TBC1D5: variants seen among roughly 807,000 people sequenced by gnomAD.
The protein encoded by TBC1D5 is TBC1 domain family member 5.
Under a neutral mutation model 100.3 loss-of-function variants are expected in TBC1D5, and 75 were observed. The observed-to-expected ratio is 0.75, with a 90% CI of 0.62 to 0.91. TBC1D5 has a LOEUF of 0.91. Among genes scored for constraint, TBC1D5 ranks in the 40% least tolerant of loss-of-function variants. The probability of loss-of-function intolerance (pLI) is 0.00; values close to 1 mark genes in which losing one functional copy is unlikely to be tolerated. For missense variants in TBC1D5, 910 were observed against 942.4 expected, an observed-to-expected ratio of 0.97 and a Z score of 0.45; for synonymous variants, 323 against 325.6, an observed-to-expected ratio of 0.99 and a Z score of 0.09.
intron 2 of TBC1D5, among the ~76,000 whole-genome samples, chr3:17,559,643 G>A (rs1396201297): frequency 6.6e-6 from 1 of 150,734 alleles, no homozygotes. Flanking sequence ...TGGCTGGAGT[G>A]CAACGGCGCG....
chr3:17,242,957 G>A (rs2076426588), intron 16 of TBC1D5, among the ~76,000 whole-genome samples: 1 of 152,150 alleles, frequency 6.6e-6, no homozygotes, highest in African/African-American at 2.4e-5. Context: ...AGGTCTGTTA[G>A]ATTTTGTTAA....
At chr3:17,261,344 T>G (rs1340514705) in intron 15 of TBC1D5, among the ~76,000 whole-genome samples, 4 of 152,098 alleles carry the variant, frequency 2.6e-5, no homozygotes, top group Non-Finnish European at 4.4e-5. Context: ...TAAAGGTCAA[T>G]GGATAGATAA....
In TBC1D5 at chr3:17,465,983, T is replaced by C. The variant is rs148201324; in HGVS notation, c.98-37464A>G. Among the ~76,000 whole-genome samples the C allele has an allele frequency of 4.7e-3, 723 of 152,320 alleles. 7 individuals are homozygous for C. Among genetic ancestry groups the C allele is most frequent in the African/African-American group, 0.016 (659 of 41,576 alleles). ...ACATGATATTATTTCAACTCAACTA[T>C]TGTGAAGAATTCAGTCACCTTAGAA... On this transcript the variant is annotated intron_variant, in intron 3 of 21. Transcript: ENST00000253692.
chr3:17,229,281 T>C (rs866993828), intron 17 of TBC1D5, among the ~76,000 whole-genome samples: 1 of 152,276 alleles, frequency 6.6e-6, no homozygotes. Flanking sequence ...ACAGTTTGTT[T>C]CCTGCAGACT....
intron 2 of TBC1D5, among the ~76,000 whole-genome samples, chr3:17,616,602 T>C (rs550072045): frequency 6.6e-6 from 1 of 152,346 alleles, no homozygotes; most frequent in Admixed American, 6.5e-5. Flanking sequence ...TTTAGGATAG[T>C]TAGCTCTTCT....
chr3:17,519,226 CA>C (rs1425789768), intron 2 of TBC1D5, among the ~76,000 whole-genome samples: 4 of 152,212 alleles, frequency 2.6e-5, no homozygotes, highest in African/African-American at 9.6e-5. Flanking sequence ...GACTGTAAAA[CA>C]CATGGCTTAT....
At position 17,417,312 on chromosome 3, in the gene TBC1D5, G is replaced by A. The variant is rs983941220; in HGVS notation, c.168-10786C>T. ...CCCATTAACTCGTCATTTAGCATTA[G>A]GTATATCTCCTAATGCTATCCCTCC... On this transcript the variant is annotated intron_variant, in intron 4 of 21. Coordinates refer to ENST00000253692, the Ensembl canonical transcript of TBC1D5. 1.2e-4 allele frequency among the ~76,000 whole-genome samples: 18 copies of A among 151,482 alleles called. 1 individual carries two copies. Among genetic ancestry groups the A allele is most frequent in the South Asian group, 4.2e-4 (2 of 4,796 alleles).
At position 17,250,214 on chromosome 3, in the gene TBC1D5, T is replaced by C. The variant is rs182194240; in HGVS notation, c.1331+8292A>G. On this transcript the variant is annotated intron_variant, in intron 16 of 21. Transcript: ENST00000253692. ...CCATCAGCAAATGCTAGTCAAAATA[T>C]ATACTCAAACAAATCACTTTTCTCT... Among the ~76,000 whole-genome samples, 206 of 152,342 alleles carry C rather than the reference T, an allele frequency of 1.4e-3. 2 individuals are homozygous for C. Among genetic ancestry groups the C allele is most frequent in the Admixed American group, 0.013 (194 of 15,306 alleles).
At chr3:17,376,986 A>T (rs1242803521) in intron 9 of TBC1D5, among the ~76,000 whole-genome samples, 1 of 152,134 alleles carries the variant, frequency 6.6e-6, no homozygotes, top group Non-Finnish European at 1.5e-5. Flanking sequence ...ATCTGCAGTA[A>T]GAAGGGCAAC....
intron 2 of TBC1D5, among the ~76,000 whole-genome samples, chr3:17,551,272 C>A (rs1274658905): frequency 2.0e-5 from 3 of 152,052 alleles, no homozygotes; most frequent in African/African-American, 7.2e-5. Flanking sequence ...AAAAGTATAT[C>A]TTTTTAATAA....
At chr3:17,384,277 T>A (rs1461486854) in intron 8 of TBC1D5, among the ~76,000 whole-genome samples, 1 of 152,116 alleles carries the variant, frequency 6.6e-6, no homozygotes, top group Non-Finnish European at 1.5e-5. Flanking sequence ...CATATGTGAA[T>A]ATGATAGCTT....
At chr3:17,390,115 T>C (rs536664455) in intron 8 of TBC1D5, among the ~76,000 whole-genome samples, 2 of 152,230 alleles carry the variant, frequency 1.3e-5, no homozygotes, top group Non-Finnish European at 2.9e-5. Flanking sequence ...GTAACAGAAG[T>C]AGTTTATGAC....
intron 17 of TBC1D5, among the ~76,000 whole-genome samples, chr3:17,225,369 G>A (rs1236375595): frequency 6.7e-6 from 1 of 150,322 alleles, no homozygotes; most frequent in East Asian, 1.9e-4. Flanking sequence ...AACCTGGGAG[G>A]TGGAGGTTGC....
chr3:17,732,720 A>AAAAAAAATAAATAAATAAATAAAT (rs142854083), intron 1 of TBC1D5, among the ~76,000 whole-genome samples: 4 of 144,876 alleles, frequency 2.8e-5, no homozygotes, highest in East Asian at 2.1e-4. Context: ...CCGTCTCAAA[A>AAAAAAAATAAATAAATAAATAAAT]AAATAAATAA....
At chr3:17,374,423 C>T in intron 12 of TBC1D5, 48 bp downstream of exon 12, 1 of 1,527,434 alleles carries the variant, frequency 6.5e-7, no homozygotes. Flanking sequence ...TTATTGAAAG[C>T]ATTTGCTCCA....
In TBC1D5 at chr3:17,615,612, T is replaced by G. The variant is rs1437875853; in HGVS notation, c.-36+8237A>C. Among the ~76,000 whole-genome samples the G allele has an allele frequency of 2.0e-5, 3 of 152,202 alleles. No individual in the cohort carries two copies. The East Asian group carries it at 5.8e-4, about 29-fold the overall frequency. ...ATTCAACTTCTTCCTCGTTTGGTCT[T>G]AGGAGGGTGTATGTGTCCAGGAATT... On this transcript the variant is annotated intron_variant, in intron 2 of 21. Transcript: ENST00000253692.
rs2076043681 is a variant in TBC1D5 at position 17,238,338 on chromosome 3, TG to T, written c.1412del (p.Pro471GlnfsTer24). 6.2e-7 allele frequency: 1 copy of T among 1,613,868 alleles called. No homozygotes were observed. Among genetic ancestry groups the T allele is most frequent in the African/African-American group, 1.3e-5 (1 of 74,908 alleles). On this transcript the variant is annotated frameshift_variant, in exon 17 of 22. Coordinates refer to ENST00000253692, the Ensembl canonical transcript of TBC1D5. LOFTEE classifies it high-confidence loss of function. ...CACCTGCACTGCCTGGAGCCATTGCTGGGGAAATCAACTTTCTTCCAAAATT... is the reference window on the plus strand; with the variant it reads ...CACCTGCACTGCCTGGAGCCATTGCTGGGAAATCAACTTTCTTCCAAAATT...
At chr3:17,442,530 G>A (rs1473301156) in intron 3 of TBC1D5, among the ~76,000 whole-genome samples, 1 of 152,230 alleles carries the variant, frequency 6.6e-6, no homozygotes, top group East Asian at 1.9e-4. Context: ...AGTGTGTGGG[G>A]TAACCCTGTA....
chr3:17,445,356 A>G (rs2094764194), intron 3 of TBC1D5, among the ~76,000 whole-genome samples: 1 of 145,688 alleles, frequency 6.9e-6, no homozygotes, highest in Non-Finnish European at 1.5e-5. Context: ...GAAGAACCAT[A>G]AAAAAAAAAG....
Sources: gnomAD v4.1 joint callset for allele counts (sites outside exome capture counted in the v4.1 genomes callset) on GRCh38, gnomAD v4.1.1 for gene constraint, MANE v1.5 for transcripts, NCBI Gene and HGNC (gene_info 2026-07-23, HGNC 2026-07-21) for gene names.